STEAP1B: variants seen among roughly 807,000 people sequenced by gnomAD.
STEAP1B encodes STEAP family member 1B.
STEAP1B carries 13 observed loss-of-function variants against 27.9 expected under a neutral mutation model. The ratio of observed to expected loss-of-function variants is 0.47; its 90% CI spans 0.30 to 0.74. The LOEUF (loss-of-function observed/expected upper bound fraction) is 0.74. Ranked by LOEUF, STEAP1B falls within the 30% of genes least tolerant of loss-of-function variation. The pLI is 0.06. For synonymous variants in STEAP1B, 86 were observed against 107.1 expected, an observed-to-expected ratio of 0.80 and a Z score of 1.22; for missense variants, 250 against 298.7, an observed-to-expected ratio of 0.84 and a Z score of 1.20.
At chr7:22,450,883 A>G (rs1421016336) in intron 4 of STEAP1B, among the ~76,000 whole-genome samples, 2 of 152,096 alleles carry the variant, frequency 1.3e-5, no homozygotes, top group African/African-American at 2.4e-5. Context: ...TAATTCCTAG[A>G]TATTTAATTT....
chr7:22,454,204 G>A (rs985311237), intron 4 of STEAP1B, among the ~76,000 whole-genome samples: 1 of 152,180 alleles, frequency 6.6e-6, no homozygotes, highest in East Asian at 1.9e-4. Context: ...GCAATTACCA[G>A]CCCTAGGGAT....
intron 4 of STEAP1B, among the ~76,000 whole-genome samples, chr7:22,482,752 A>T (rs1308650410): frequency 6.6e-6 from 1 of 152,172 alleles, no homozygotes; most frequent in African/African-American, 2.4e-5. Context: ...ATTCAATCAG[A>T]GTGGGGCCTC....
chr7:22,427,089 G>A (rs74736783), intron 4 of STEAP1B, among the ~76,000 whole-genome samples: 34,280 of 152,150 alleles, frequency 0.23, 4,738 homozygotes, highest in Non-Finnish European at 0.3. Context: ...AGAGGGAGAA[G>A]AGAGGGTCAC....
intron 4 of STEAP1B, among the ~76,000 whole-genome samples, chr7:22,437,255 C>T (rs946059039): frequency 4.6e-5 from 7 of 152,192 alleles, no homozygotes; most frequent in Non-Finnish European, 1.0e-4. Context: ...AGTACCTCTC[C>T]ATTTCCTCCT....
At chr7:22,468,714 A>AT (rs1278290081) in intron 4 of STEAP1B, among the ~76,000 whole-genome samples, 2 of 152,254 alleles carry the variant, frequency 1.3e-5, no homozygotes, top group African/African-American at 4.8e-5. Context: ...CACGCATTGC[A>AT]TAATGATGTT....
intron 4 of STEAP1B, among the ~76,000 whole-genome samples, chr7:22,488,262 C>T (rs201494132): frequency 6.6e-6 from 1 of 152,198 alleles, no homozygotes; most frequent in African/African-American, 2.4e-5. Flanking sequence ...CTATCCTTCC[C>T]ACAGTGTGGC....
At chr7:22,462,287 T>C (rs1207664245) in intron 4 of STEAP1B, among the ~76,000 whole-genome samples, 1 of 150,740 alleles carries the variant, frequency 6.6e-6, no homozygotes. Context: ...ATGTGCAGGT[T>C]AGTTACATAT....
At chr7:22,439,704 A>C (rs551043303) in intron 4 of STEAP1B, among the ~76,000 whole-genome samples, 2 of 152,278 alleles carry the variant, frequency 1.3e-5, no homozygotes, top group African/African-American at 4.8e-5. Flanking sequence ...ATAATTCATA[A>C]ATGTGTCCAA....
intron 1 of STEAP1B, among the ~76,000 whole-genome samples, chr7:22,498,351 G>A (rs1022103648): frequency 2.6e-5 from 4 of 152,130 alleles, no homozygotes; most frequent in Admixed American, 6.5e-5. Context: ...CTGAGGGGGA[G>A]ACACAGCTCC....
chr7:22,467,727 G>A (rs372522976), intron 4 of STEAP1B, among the ~76,000 whole-genome samples: 6 of 152,186 alleles, frequency 3.9e-5, no homozygotes, highest in South Asian at 2.1e-4. Flanking sequence ...TGATTGTGAG[G>A]CCTCCCCAGC....
intron 4 of STEAP1B, among the ~76,000 whole-genome samples, chr7:22,447,911 A>T (rs1178944783): frequency 6.6e-6 from 1 of 152,228 alleles, no homozygotes; most frequent in Admixed American, 6.5e-5. Flanking sequence ...CTTTTTACAG[A>T]TGAGCAATTG....
intron 4 of STEAP1B, among the ~76,000 whole-genome samples, chr7:22,437,308 T>A (rs1363706134): frequency 6.6e-6 from 1 of 152,266 alleles, no homozygotes; most frequent in Non-Finnish European, 1.5e-5. Context: ...TCTGTTTCTA[T>A]GAGTTTGACT....
chr7:22,454,670 G>A (rs1258228658), intron 4 of STEAP1B, among the ~76,000 whole-genome samples: 8 of 151,764 alleles, frequency 5.3e-5, no homozygotes, highest in African/African-American at 1.2e-4. Context: ...GTGCACGGCC[G>A]AGGCTGCAGG....
intron 4 of STEAP1B, among the ~76,000 whole-genome samples, chr7:22,424,287 G>A (rs1261306162): frequency 6.6e-6 from 1 of 152,124 alleles, no homozygotes; most frequent in Non-Finnish European, 1.5e-5. Flanking sequence ...TACTTAGTTT[G>A]TAAAGACTTC....
chr7:22,479,162 C>T (rs1786023230), intron 4 of STEAP1B, among the ~76,000 whole-genome samples: 1 of 152,212 alleles, frequency 6.6e-6, no homozygotes, highest in African/African-American at 2.4e-5. Flanking sequence ...TTATTACTAT[C>T]ATTTCCACCC....
chr7:22,429,205 G>A (rs1178893677), intron 4 of STEAP1B, among the ~76,000 whole-genome samples: 1 of 152,150 alleles, frequency 6.6e-6, no homozygotes, highest in East Asian at 1.9e-4. Context: ...TCTTTTCTGA[G>A]GGCACTAAAG....
intron 4 of STEAP1B, among the ~76,000 whole-genome samples, chr7:22,462,534 C>G (rs201573634): frequency 0.13 from 17,924 of 137,002 alleles, 1,341 homozygotes; most frequent in Non-Finnish European, 0.17. Flanking sequence ...TTCCAATTTC[C>G]TCCATGTCCC....
intron 1 of STEAP1B, among the ~76,000 whole-genome samples, chr7:22,499,883 C>A (rs1172908598): frequency 1.3e-5 from 2 of 152,260 alleles, no homozygotes; most frequent in East Asian, 1.9e-4. Flanking sequence ...TGGCTCCCCC[C>A]AGCCCCCGGC....
chr7:22,472,716 A>C lies in STEAP1B; in HGVS notation c.762+19849T>G, dbSNP rs143936260. ...TCACAGCAGTCTTCCTTCCCTGTCC[A>C]GATCTTTCTGCACCTACCCCTCTCC... On this transcript the variant is annotated intron_variant, in intron 4 of 4. Coordinates refer to ENST00000678116, the MANE Select transcript of STEAP1B (RefSeq NM_001382447.1). 8.8e-4 allele frequency among the ~76,000 whole-genome samples: 134 copies of C among 152,238 alleles called. 1 individual carries two copies. Among genetic ancestry groups the C allele is most frequent in the African/African-American group, 3.1e-3 (130 of 41,524 alleles).
Sources: allele counts gnomAD v4.1 joint callset (sites outside exome capture counted in the v4.1 genomes callset), GRCh38; gene constraint gnomAD v4.1.1; transcripts MANE v1.5; gene names NCBI Gene and HGNC (gene_info 2026-07-23, HGNC 2026-07-21).